RBFOX1: variants seen among roughly 807,000 people sequenced by gnomAD.
RBFOX1 encodes RNA binding protein fox-1 homolog 1.
RBFOX1 carries 8 observed loss-of-function variants against 57.7 expected under a neutral mutation model. That is an observed-to-expected ratio of 0.14 (90% CI 0.08 to 0.25). The LOEUF is 0.25. Ranked by LOEUF, RBFOX1 falls within the 10% of genes least tolerant of loss-of-function variation. RBFOX1 has a pLI of 1.00. For synonymous variants in RBFOX1, 326 were observed against 222.4 expected (o/e 1.47, Z -4.15); for missense variants, 611 against 548.5 (o/e 1.11, Z -1.14).
rs74011139 is a variant in RBFOX1, at chr16:7,626,255, G to A, written c.677-4348G>A. On this transcript the variant is annotated intron_variant, in intron 10 of 15. Coordinates refer to ENST00000550418, the MANE Select transcript of RBFOX1 (RefSeq NM_018723.4). ...ACACTTCCTCCTTCCTGTCTGTGATGGGAAACATCCCTTCTAGGCTTGTGC... is the reference window on the plus strand; with the variant it reads ...ACACTTCCTCCTTCCTGTCTGTGATAGGAAACATCCCTTCTAGGCTTGTGC... Among the ~76,000 whole-genome samples, 1,419 of 152,304 alleles carry A rather than the reference G, an allele frequency of 9.3e-3. 25 individuals are homozygous for A. The highest frequency in any genetic ancestry group is 0.032 in the African/African-American group (1,337 of 41,566).
chr16:6,758,426 G>A (rs2076134166), intron 3 of RBFOX1, among the ~76,000 whole-genome samples: 2 of 152,136 alleles, frequency 1.3e-5, no homozygotes, highest in Admixed American at 6.6e-5. Flanking sequence ...GGGTGCTAGA[G>A]TTGACAAATT....
downstream of RBFOX1, among the ~76,000 whole-genome samples, chr16:5,602,449 A>G (rs2047397225): frequency 6.6e-6 from 1 of 152,218 alleles, no homozygotes; most frequent in Non-Finnish European, 1.5e-5. Context: ...GTGTATATCC[A>G]TAAAGTCCAA....
intron 4 of RBFOX1, among the ~76,000 whole-genome samples, chr16:7,178,450 A>G (rs966494697): frequency 1.3e-5 from 2 of 152,224 alleles, no homozygotes; most frequent in Admixed American, 6.5e-5. Context: ...ATGGGTAAAC[A>G]CTAAATTTTT....
chr16:6,429,677 G>T (rs560089999), intron 2 of RBFOX1, among the ~76,000 whole-genome samples: 2 of 152,268 alleles, frequency 1.3e-5, no homozygotes, highest in East Asian at 3.9e-4. Flanking sequence ...TCTTCTCATG[G>T]GAGTGAATAA....
chr16:7,249,177 A>G (rs980431786), intron 4 of RBFOX1, among the ~76,000 whole-genome samples: 11 of 152,212 alleles, frequency 7.2e-5, no homozygotes, highest in African/African-American at 2.4e-4. Flanking sequence ...ATCACCACCA[A>G]CCTTCAGCTA....
intron 2 of RBFOX1, among the ~76,000 whole-genome samples, chr16:5,588,879 TGA>T (rs2046918310): frequency 6.6e-6 from 1 of 152,042 alleles, no homozygotes. Flanking sequence ...TTTTACAGGT[TGA>T]GAGGTACAAT....
At chr16:5,314,810 T>C (rs938339123) in intron 1 of RBFOX1, among the ~76,000 whole-genome samples, 1 of 148,374 alleles carries the variant, frequency 6.7e-6, no homozygotes, top group East Asian at 2.0e-4. Flanking sequence ...CTCATTTCTT[T>C]TAAAACCAGA....
At chr16:5,467,139 C>G (rs1001968254) in intron 1 of RBFOX1, 4 of 1,354,566 alleles carry the variant, frequency 3.0e-6, no homozygotes, top group Middle Eastern at 3.8e-4. Context: ...AAAAACAAAG[C>G]CAAAGCAATT....
At chr16:6,141,204 G>C (rs920165142) in intron 1 of RBFOX1, among the ~76,000 whole-genome samples, 1 of 152,116 alleles carries the variant, frequency 6.6e-6, no homozygotes, top group East Asian at 1.9e-4. Flanking sequence ...GCTGCTTTTG[G>C]AGCACCTTCT....
chr16:5,554,703 A>G (rs972916496), intron 2 of RBFOX1, among the ~76,000 whole-genome samples: 1 of 152,234 alleles, frequency 6.6e-6, no homozygotes, highest in Admixed American at 6.5e-5. Context: ...CCCAGACACC[A>G]AAGGCTCTAT....
At chr16:6,236,957 C>T (rs1002320963) in intron 1 of RBFOX1, among the ~76,000 whole-genome samples, 2 of 152,084 alleles carry the variant, frequency 1.3e-5, no homozygotes, top group Admixed American at 1.3e-4. Context: ...TCTATTTGGC[C>T]CCATTGTAGG....
intron 4 of RBFOX1, among the ~76,000 whole-genome samples, chr16:7,344,633 A>G (rs1053671240): frequency 2.0e-5 from 3 of 151,946 alleles, no homozygotes; most frequent in Admixed American, 6.6e-5. Context: ...AAGTTACTCC[A>G]TTGGGGATTT....
chr16:6,502,654 T>C (rs1460681536), intron 2 of RBFOX1, among the ~76,000 whole-genome samples: 2 of 152,170 alleles, frequency 1.3e-5, no homozygotes, highest in African/African-American at 4.8e-5. Context: ...AGTGTTTGTA[T>C]GTGGAACTTT....
chr16:5,365,685 A>T (rs1321567293), intron 1 of RBFOX1: 1 of 340,516 alleles, frequency 2.9e-6, no homozygotes, highest in East Asian at 8.7e-5. Flanking sequence ...AAGTAAAAAA[A>T]ATAAAAAGAG....
At chr16:6,193,670 T>A (rs1226845136) in intron 1 of RBFOX1, among the ~76,000 whole-genome samples, 1 of 151,948 alleles carries the variant, frequency 6.6e-6, no homozygotes, top group African/African-American at 2.4e-5. Flanking sequence ...CTAAACATTT[T>A]GAATTGTATT....
intron 4 of RBFOX1, among the ~76,000 whole-genome samples, chr16:7,348,179 A>T (rs1391365919): frequency 6.6e-6 from 1 of 152,254 alleles, no homozygotes; most frequent in Non-Finnish European, 1.5e-5. Context: ...ACAAACATAC[A>T]GAGATATATG....
At chr16:6,985,132 C>G (rs892529410) in intron 3 of RBFOX1, among the ~76,000 whole-genome samples, 12 of 152,104 alleles carry the variant, frequency 7.9e-5, no homozygotes, top group Admixed American at 6.6e-4. Flanking sequence ...CCTACCCTAC[C>G]CTACCCTCTT....
At chr16:7,495,009 C>T (rs1376146195) in intron 4 of RBFOX1, among the ~76,000 whole-genome samples, 4 of 151,994 alleles carry the variant, frequency 2.6e-5, no homozygotes, top group East Asian at 1.9e-4. Flanking sequence ...TCTGTTGTTC[C>T]CTTATTTATG....
chr16:6,558,098 T>C (rs941848947), intron 2 of RBFOX1, among the ~76,000 whole-genome samples: 19 of 152,214 alleles, frequency 1.2e-4, no homozygotes, highest in Admixed American at 3.9e-4. Flanking sequence ...AATATTAAGT[T>C]ATTATGTACT....
Sources: gnomAD v4.1 joint callset for allele counts (sites outside exome capture counted in the v4.1 genomes callset) on GRCh38, gnomAD v4.1.1 for gene constraint, MANE v1.5 for transcripts, NCBI Gene and HGNC (gene_info 2026-07-23, HGNC 2026-07-21) for gene names.